The following FADS2 variants were observed in gnomAD, a reference collection of about 807,000 sequenced individuals.
FADS2 encodes the protein fatty acid desaturase 2, also known as acyl-CoA 6-desaturase.
A neutral mutation model predicts 61.2 loss-of-function variants in FADS2; 18 were observed. The ratio of observed to expected loss-of-function variants is 0.29; its 90% confidence interval spans 0.20 to 0.44. The LOEUF (loss-of-function observed/expected upper bound fraction) is 0.44, where lower values mean the gene tolerates loss of function less well. Among genes scored for constraint, FADS2 ranks in the 20% least tolerant of loss-of-function variants. The pLI, the probability that FADS2 is intolerant of heterozygous loss-of-function variation, is 1.00. For missense variants in FADS2, 322 were observed against 572.7 expected, an observed-to-expected ratio of 0.56 and a Z score of 4.47; for synonymous variants, 203 against 223.9, an observed-to-expected ratio of 0.91 and a Z score of 0.83.
Position 61,861,365 on chromosome 11 carries a change from A to AAAAAAAAAC in FADS2, c.883-1601_883-1600insAACAAAAAA, listed in dbSNP as rs1555078418. Reference sequence around the variant, plus strand: ...CGAGACTCCCTCTCAAAAAAAAAAAAAAAAAACAGAAATTAGCTACTCGGG... The same window carrying AAAAAAAAAC: ...CGAGACTCCCTCTCAAAAAAAAAAAAAAAAAAAACAAAAAACAGAAATTAGCTACTCGGG... On this transcript the variant is annotated intron_variant, in intron 7 of 11. Transcript: ENST00000278840. 2.0e-4 allele frequency among the ~76,000 whole-genome samples: 26 copies of AAAAAAAAAC among 130,826 alleles called. 1 individual carries two copies. The highest frequency in any genetic ancestry group is 7.4e-4 in the African/African-American group (25 of 33,874). 85.8% of individuals were successfully genotyped at this position (130,826 alleles called of 152,430 possible). A position where few individuals can be genotyped will look rare whatever the true frequency, so the allele number is the denominator to read the frequency against.
At chr11:61,858,000 G>A (rs1041018799) in intron 7 of FADS2, among the ~76,000 whole-genome samples, 11 of 152,126 alleles carry the variant, frequency 7.2e-5, no homozygotes, top group Admixed American at 2.0e-4. Context: ...GTTTTCTCCC[G>A]GTTCTGGAGA....
chr11:61,865,975 G>T lies in FADS2; in HGVS notation c.*286G>T, dbSNP rs1449087027. 2 of 507,852 alleles carry T rather than the reference G, an allele frequency of 3.9e-6. No homozygotes were observed. Among genetic ancestry groups the T allele is most frequent in the African/African-American group, 1.9e-5 (1 of 52,522 alleles). 31.5% of individuals were successfully genotyped at this position (507,852 alleles called of 1,614,324 possible). ...AGGAGCAGAGAGGTGGCCACCGGGG[G>T]TGGCTCTGTCCTACCTCCACTCTCT... On this transcript the variant is annotated 3_prime_UTR_variant, in exon 12 of 12. Coordinates refer to ENST00000278840, the MANE Select transcript of FADS2 (RefSeq NM_004265.4). The surrounding 1 kb of genome is among the most constrained non-coding windows in gnomAD (Gnocchi z 4.1).
chr11:61,828,827 A>G lies in FADS2; in HGVS notation c.207+230A>G, dbSNP rs2135953562. ...CCCGGGGAGGCGGCGCTGCGGTGAA[A>G]GTCCCAGCGGTGGAGAACAGGGCAA... On this transcript the variant is annotated intron_variant, in intron 1 of 11. Transcript: ENST00000278840. This position sits in a 1 kb window ranked among gnomAD's most constrained non-coding sequence, Gnocchi z 6.4. The G allele has an allele frequency of 1.8e-6, 1 of 543,156 alleles. No homozygotes were observed. The highest frequency in any genetic ancestry group is 3.3e-6 in the Non-Finnish European group (1 of 304,210). 33.6% of individuals were successfully genotyped at this position (543,156 alleles called of 1,614,324 possible).
At chr11:61,863,683 G>A in intron 9 of FADS2, 24 bp from the exon 10 acceptor site, 3 of 1,607,650 alleles carry the variant, frequency 1.9e-6, no homozygotes, top group Non-Finnish European at 2.6e-6. Context: ...TTTGTTCCCT[G>A]ACACTCATCC....
At chr11:61,826,012 A>G, upstream of FADS2, 1 of 699,828 alleles carries the variant, frequency 1.4e-6, no homozygotes, top group Non-Finnish European at 2.6e-6. Context: ...CTCATCTTTG[A>G]ACTCATCACT....
intron 2 of FADS2, 59 bp from the exon 3 acceptor site, chr11:61,840,275 A>C (rs879079691): frequency 1.4e-6 from 2 of 1,405,610 alleles, no homozygotes; most frequent in South Asian, 2.3e-5. Context: ...AGCTCGAGAC[A>C]TATGTTCCCT....
intron 7 of FADS2, chr11:61,862,641 G>C: frequency 3.0e-6 from 1 of 331,348 alleles, no homozygotes; most frequent in Non-Finnish European, 5.7e-6. Flanking sequence ...CGGGTTGGGG[G>C]CGCACCTTCA....
rs1017927828 is a variant in FADS2, at chr11:61,865,313, G to T, written c.1283+36G>T. On this transcript the variant is annotated intron_variant, in intron 11 of 11. Coordinates refer to ENST00000278840, the MANE Select transcript of FADS2 (RefSeq NM_004265.4). The surrounding 1 kb of genome is among the most constrained non-coding windows in gnomAD (Gnocchi z 4.1). ...GAGGTCCACAGGCGCTGGGCCCTGGGATCACCCGTGGTGCAGACAGTGGGA... is the reference window on the plus strand; with the variant it reads ...GAGGTCCACAGGCGCTGGGCCCTGGTATCACCCGTGGTGCAGACAGTGGGA... The T allele has an allele frequency of 7.2e-5, 115 of 1,607,994 alleles. 1 individual carries two copies. The highest frequency in any genetic ancestry group is 2.1e-4 in the Middle Eastern group (1 of 4,652).
At chr11:61,819,596 A>G (rs2067021694) in intron 1 of FADS2, among the ~76,000 whole-genome samples, 1 of 152,256 alleles carries the variant, frequency 6.6e-6, no homozygotes, top group Non-Finnish European at 1.5e-5. Context: ...TCATTAAAGC[A>G]GTATCTATGA....
chr11:61,837,721 G>C (rs1376515630), intron 1 of FADS2, 57 bp from the exon 2 acceptor site: 3 of 1,244,306 alleles, frequency 2.4e-6, no homozygotes, highest in Non-Finnish European at 3.5e-6. Context: ...TCCTCCTTGG[G>C]GCCCAAGAGC....
Position 61,816,804 on chromosome 11 carries a change from G to A in FADS2, c.141+378G>A, listed in dbSNP as rs771921780. 1 of 1,498,478 alleles carries A rather than the reference G, an allele frequency of 6.7e-7. No homozygotes were observed. Among genetic ancestry groups the A allele is most frequent in the Non-Finnish European group, 8.8e-7 (1 of 1,133,464 alleles). The allele number at this position is 1,498,478 out of a possible 1,614,324, so 92.8% of individuals were successfully genotyped here. On this transcript the variant is annotated intron_variant, in intron 1 of 11. Transcript: ENST00000257261. The surrounding 1 kb of genome is among the most constrained non-coding windows in gnomAD (Gnocchi z 7.0). ...GCGCCGGGCCAGCAGGGGCTGTCAG[G>A]CGCGTGCTCGGGGTCCGCGGGCTCC...
intron 4 of FADS2, among the ~76,000 whole-genome samples, chr11:61,840,951 C>T (rs1310529000): frequency 6.6e-6 from 1 of 152,174 alleles, no homozygotes; most frequent in African/African-American, 2.4e-5. Flanking sequence ...GACAGGCACA[C>T]ACCTTTCTTG....
At chr11:61,846,701 A>G (rs1288784266) in intron 4 of FADS2, 1 of 152,176 alleles carries the variant, frequency 6.6e-6, no homozygotes, top group East Asian at 1.9e-4. Context: ...GTCGCTGGGC[A>G]ACTGTCGAGG....
intron 4 of FADS2, among the ~76,000 whole-genome samples, chr11:61,844,581 G>A (rs918720826): frequency 2.0e-5 from 3 of 151,126 alleles, no homozygotes; most frequent in Non-Finnish European, 4.4e-5. Flanking sequence ...AATTATTTAA[G>A]CTAATCGCTT....
At chr11:61,842,009 C>A (rs1205930343) in intron 4 of FADS2, among the ~76,000 whole-genome samples, 1 of 152,240 alleles carries the variant, frequency 6.6e-6, no homozygotes, top group African/African-American at 2.4e-5. Context: ...GAAAATGAGT[C>A]TTTGCCAACT....
Position 61,841,532 on chromosome 11 carries a change from C to CA in FADS2, c.618+808dup, listed in dbSNP as rs768794726. On this transcript the variant is annotated intron_variant, in intron 4 of 11. Coordinates refer to ENST00000278840, the MANE Select transcript of FADS2 (RefSeq NM_004265.4). ...TGGGCAACATAGTGAGACCCCCCCCCATCTCTCAAAAAAAAAAAAGAAAAA... is the reference window on the plus strand; with the variant it reads ...TGGGCAACATAGTGAGACCCCCCCCCAATCTCTCAAAAAAAAAAAAGAAAAA... Among the ~76,000 whole-genome samples, 23 of 148,506 alleles carry CA rather than the reference C, an allele frequency of 1.5e-4. No individual in the cohort carries two copies. The East Asian group carries it at 4.0e-3, about 26-fold the overall frequency.
chr11:61,824,386 GAAAA>G (rs1213150632), upstream of FADS2, among the ~76,000 whole-genome samples: 9 of 115,456 alleles, frequency 7.8e-5, no homozygotes, highest in East Asian at 5.1e-4. Flanking sequence ...CATCTTGGGG[GAAAA>G]AAAAAGAGAG....
chr11:61,852,953 G>A (rs1044939674), intron 5 of FADS2, among the ~76,000 whole-genome samples: 1 of 152,082 alleles, frequency 6.6e-6, no homozygotes, highest in African/African-American at 2.4e-5. Context: ...AGGAGATCGA[G>A]ACCATCTTGG....
chr11:61,863,415 C>A, intron 9 of FADS2, 37 bp downstream of exon 9: 1 of 1,456,080 alleles, frequency 6.9e-7, no homozygotes, highest in Non-Finnish European at 9.6e-7. Context: ...AGCCTGGTCC[C>A]AATGTCCATG....
Sources: gnomAD v4.1 joint callset for allele counts (sites outside exome capture counted in the v4.1 genomes callset) on GRCh38, gnomAD v4.1.1 for gene constraint, Gnocchi (gnomAD v3.1) non-coding constraint, MANE v1.5 for transcripts, NCBI Gene and HGNC (gene_info 2026-07-23, HGNC 2026-07-21) for gene names.